TERB1: variants seen among roughly 807,000 people sequenced by gnomAD.
TERB1 encodes the protein telomere repeat binding bouquet formation protein 1.
TERB1 carries 63 observed loss-of-function variants against 92.3 expected under a neutral mutation model. The ratio of observed to expected loss-of-function variants is 0.68; its 90% CI spans 0.56 to 0.84. The LOEUF is 0.84. TERB1 is among the 40% of genes least tolerant of loss of function. The pLI, the probability that TERB1 is intolerant of heterozygous loss-of-function variation, is 0.00. For missense variants in TERB1, 709 were observed against 843.7 expected, an observed-to-expected ratio of 0.84 and a Z score of 1.98; for synonymous variants, 252 against 283.9, an observed-to-expected ratio of 0.89 and a Z score of 1.13.
intron 3 of TERB1, among the ~76,000 whole-genome samples, chr16:66,795,627 A>G (rs1017696723): frequency 2.0e-5 from 3 of 152,202 alleles, no homozygotes; most frequent in Non-Finnish European, 2.9e-5. Context: ...AATCACCAAC[A>G]GTTATCCCCT....
At chr16:66,758,866 A>T (rs200931180) in intron 17 of TERB1, 28 bp from the exon 18 acceptor site, 1 of 1,404,212 alleles carries the variant, frequency 7.1e-7, no homozygotes, top group Non-Finnish European at 9.8e-7. Flanking sequence ...CATTTAGCAC[A>T]TTTAGCGTAT....
At chr16:66,772,183 C>A (rs2018464174) in intron 13 of TERB1, among the ~76,000 whole-genome samples, 2 of 152,076 alleles carry the variant, frequency 1.3e-5, no homozygotes, top group Admixed American at 6.6e-5. Context: ...CCAACCTCTA[C>A]TGTTAAAAAA....
At position 66,755,127 on chromosome 16, in the gene TERB1, T is replaced by A. The variant is rs2018115546; in HGVS notation, c.2033A>T (p.Glu678Val). The A allele has an allele frequency of 1.9e-6, 3 of 1,547,592 alleles. No individual in the cohort carries two copies. Among genetic ancestry groups the A allele is most frequent in the African/African-American group, 1.4e-5 (1 of 72,966 alleles). ...AACTCCATTGAAAAGGTAATTTACT[T>A]CTTCTTCAGTAAAGTTTTTGCGAAT... ...RRIRKNFTEE[E>V]VNYLFNGVKK... Residue 678 changes from glutamate (E) to valine (V), a missense_variant, in exon 19 of 19, where the codon GAA becomes GTA. Physicochemically the swap from Glu to Val is moderately radical, Grantham distance 121. Coordinates refer to ENST00000433154, the MANE Select transcript of TERB1 (RefSeq NM_001136505.2).
At chr16:66,761,951 G>A (rs2018257946) in intron 16 of TERB1, among the ~76,000 whole-genome samples, 1 of 152,190 alleles carries the variant, frequency 6.6e-6, no homozygotes, top group African/African-American at 2.4e-5. Context: ...TACTCGGGAG[G>A]CTGCGGCAGG....
chr16:66,798,455 T>C (rs1959211850), intron 2 of TERB1, among the ~76,000 whole-genome samples: 1 of 152,228 alleles, frequency 6.6e-6, no homozygotes, highest in Non-Finnish European at 1.5e-5. Context: ...GGGCTGAGAT[T>C]AGAGGCATGA....
chr16:66,785,887 C>T lies in TERB1; in HGVS notation c.599G>A (p.Cys200Tyr), dbSNP rs2018721273. 2 of 1,545,728 alleles carry T rather than the reference C, an allele frequency of 1.3e-6. No homozygotes were observed. Among genetic ancestry groups the T allele is most frequent in the Non-Finnish European group, 1.7e-6 (2 of 1,144,626 alleles). Reference protein sequence around the residue: ...PQNDENQMFCCSLFPHANEWL... With the variant: ...PQNDENQMFCYSLFPHANEWL... ...TTCATTAGCATGTGGAAAAAGGGAA[C>T]AGCAAAACATTTGATTCTCATCTGA... is the stretch of plus-strand genomic sequence containing the variant. The change falls in exon 9 of 19, where the codon TGT becomes TAT. Residue 200 changes from cysteine (C) to tyrosine (Y), a missense_variant. Transcript: ENST00000433154.
At chr16:66,793,520 G>GT (rs972583238) in intron 3 of TERB1, among the ~76,000 whole-genome samples, 8 of 148,976 alleles carry the variant, frequency 5.4e-5, no homozygotes, top group South Asian at 2.1e-4. Context: ...ACCCGGACTG[G>GT]TTTTTTTTTG....
intron 14 of TERB1, 121 bp from the exon 15 acceptor site, chr16:66,768,289 C>T (rs1052987705): frequency 1.3e-5 from 9 of 706,428 alleles, no homozygotes; most frequent in African/African-American, 1.3e-4. Flanking sequence ...CCTGGAATCA[C>T]GATCTACCAC....
intron 16 of TERB1, among the ~76,000 whole-genome samples, chr16:66,764,121 T>C (rs1024044550): frequency 6.6e-5 from 10 of 152,168 alleles, no homozygotes; most frequent in African/African-American, 2.2e-4. Flanking sequence ...GAGATACTTA[T>C]TAAAAGCAGG....
At chr16:66,757,623 C>T (rs2018158743) in intron 18 of TERB1, among the ~76,000 whole-genome samples, 1 of 152,102 alleles carries the variant, frequency 6.6e-6, no homozygotes, top group Non-Finnish European at 1.5e-5. Context: ...ATATAAAAAT[C>T]AAATTTGAAA....
intron 2 of TERB1, among the ~76,000 whole-genome samples, chr16:66,800,748 T>C (rs972093519): frequency 3.9e-4 from 60 of 152,256 alleles, no homozygotes; most frequent in African/African-American, 1.4e-3. Flanking sequence ...AAATTTGTTT[T>C]CGATCGTTTA....
At chr16:66,775,390 T>C (rs1464709094) in intron 11 of TERB1, 147 bp from the exon 12 acceptor site, 1 of 659,470 alleles carries the variant, frequency 1.5e-6, no homozygotes, top group Admixed American at 2.9e-5. Flanking sequence ...TCCCAGCACT[T>C]TGGGAGGCTG....
At chr16:66,790,535 T>G in intron 5 of TERB1, 60 bp downstream of exon 5, 1 of 1,272,652 alleles carries the variant, frequency 7.9e-7, no homozygotes, top group Non-Finnish European at 1.1e-6. Context: ...TAGTTTTGAG[T>G]ATACTGTTAA....
At chr16:66,760,797 A>AAAAAG (rs1959184643) in intron 16 of TERB1, among the ~76,000 whole-genome samples, 4 of 80,258 alleles carry the variant, frequency 5.0e-5, no homozygotes, top group Middle Eastern at 6.0e-3. Flanking sequence ...AAAAAAAAAA[A>AAAAAG]AAAAGAAAAG....
Position 66,770,056 on chromosome 16 carries a change from T to A in TERB1, c.1526A>T (p.Glu509Val), listed in dbSNP as rs2018418503. 1 of 1,551,870 alleles carries A rather than the reference T, an allele frequency of 6.4e-7. No homozygotes were observed. The highest frequency in any genetic ancestry group is 2.4e-5 in the East Asian group (1 of 40,920). Residue 509 changes from glutamate to valine, a missense_variant, in exon 14 of 19, where the codon GAG (glutamate) becomes GTG (valine). Glu to Val is a moderately radical substitution (Grantham distance 121, BLOSUM62 -2). Transcript: ENST00000433154. ...GGCTTTATATAAAGTCTTATTTTGC[T>A]CACTCTCCCTGTAACAAGCATGGAC... ...NPVHACYRES[E>V]QNKTLYKAKS... is the part of the protein sequence containing the mutation.
chr16:66,791,013 T>G lies in TERB1; in HGVS notation c.38A>C (p.Lys13Thr). The change falls in exon 4 of 19, where the codon AAG becomes ACG. Residue 13 changes from lysine (K) to threonine (T), a missense_variant. Transcript: ENST00000433154. Reference sequence around the variant, plus strand: ...CTCCAATAATAAGTTCAGGTCAGTCTTCATTTCTAAAGAACAAAAATGTCA... The same window carrying G: ...CTCCAATAATAAGTTCAGGTCAGTCGTCATTTCTAAAGAACAAAAATGTCA... ...SEDTKKTQEMKTDLNLLLECL... is the reference protein window; with the variant it reads ...SEDTKKTQEMTTDLNLLLECL... 2 of 1,513,460 alleles carry G rather than the reference T, an allele frequency of 1.3e-6. No homozygotes were observed. The highest frequency in any genetic ancestry group is 1.8e-6 in the Non-Finnish European group (2 of 1,124,970). The allele number at this position is 1,513,460 out of a possible 1,614,324, so 93.8% of individuals were successfully genotyped here.
chr16:66,793,081 C>CA (rs1020967309), intron 3 of TERB1, among the ~76,000 whole-genome samples: 15 of 149,312 alleles, frequency 1.0e-4, no homozygotes, highest in Admixed American at 9.3e-4. Context: ...AAAAACAAAA[C>CA]AAAAAAAATT....
At chr16:66,768,264 G>A (rs1239592146) in intron 14 of TERB1, 96 bp from the exon 15 acceptor site, 6 of 1,022,748 alleles carry the variant, frequency 5.9e-6, no homozygotes, top group Non-Finnish European at 1.4e-6. Context: ...TTCGGTGTTT[G>A]GTGGGCAAAA....
intron 16 of TERB1, among the ~76,000 whole-genome samples, chr16:66,760,868 C>T (rs1223097613): frequency 1.4e-5 from 2 of 143,476 alleles, no homozygotes; most frequent in African/African-American, 5.2e-5. Flanking sequence ...AACCCCAGCA[C>T]TTTGGGAGGC....
Sources: allele counts gnomAD v4.1 joint callset (sites outside exome capture counted in the v4.1 genomes callset), GRCh38; gene constraint gnomAD v4.1.1; transcripts MANE v1.5; gene names NCBI Gene and HGNC (gene_info 2026-07-23, HGNC 2026-07-21).